The following UBE2O variants were observed in gnomAD, a reference collection of about 807,000 sequenced individuals.
The protein encoded by UBE2O is ubiquitin conjugating enzyme E2 O, also known as (E3-independent) E2 ubiquitin-conjugating enzyme.
A neutral mutation model predicts 125.8 loss-of-function variants in UBE2O; 15 were observed. The ratio of observed to expected loss-of-function variants is 0.12; its 90% CI spans 0.08 to 0.18. The LOEUF is 0.18. UBE2O is among the 10% of genes least tolerant of loss of function. The pLI is 1.00. For synonymous variants in UBE2O, 708 were observed against 703.2 expected (o/e 1.01, Z -0.11); for missense variants, 1,280 against 1,723.6 (o/e 0.74, Z 4.56).
chr17:76,411,355 A>G (rs1209326629), intron 1 of UBE2O, among the ~76,000 whole-genome samples: 1 of 152,180 alleles, frequency 6.6e-6, no homozygotes, highest in Non-Finnish European at 1.5e-5. Flanking sequence ...GTAGGAGCGG[A>G]TGGCTCCTAA....
chr17:76,406,233 G>A (rs965851606), intron 1 of UBE2O, among the ~76,000 whole-genome samples: 2 of 152,348 alleles, frequency 1.3e-5, no homozygotes, highest in South Asian at 4.1e-4. Context: ...GCTGGCAGCG[G>A]CCACTGCCTC....
rs767922110 is a variant in UBE2O, at chr17:76,400,219, T to C, written c.1083A>G (p.Val361=). The change falls in exon 8 of 18, where the codon GTA becomes GTG. Residue 361 remains valine, a synonymous_variant. Coordinates refer to ENST00000319380, the MANE Select transcript of UBE2O (RefSeq NM_022066.4). This position sits in a 1 kb window ranked among gnomAD's most constrained non-coding sequence, Gnocchi z 4.3. ...ERCLYVFPAK[V]EPAKIAWECP... Reference sequence around the variant, plus strand: ...ATTCCCAGGCAATCTTGGCTGGCTCTACCTTGGCTGGGAAGACATACAGAC... The same window carrying C: ...ATTCCCAGGCAATCTTGGCTGGCTCCACCTTGGCTGGGAAGACATACAGAC... 1.5e-5 allele frequency: 24 copies of C among 1,613,988 alleles called. No homozygotes were observed. The highest frequency in any genetic ancestry group is 2.2e-5 in the South Asian group (2 of 91,092).
chr17:76,416,549 C>T (rs1181756535), intron 1 of UBE2O, among the ~76,000 whole-genome samples: 2 of 152,144 alleles, frequency 1.3e-5, no homozygotes, highest in African/African-American at 4.8e-5. Context: ...GCAGGGCCTG[C>T]TCTCAGCCAT....
In UBE2O at chr17:76,422,568, C is replaced by T. The variant is rs567020726; in HGVS notation, c.418-16996G>A. Among the ~76,000 whole-genome samples, 31 of 152,324 alleles carry T rather than the reference C, an allele frequency of 2.0e-4. No individual in the cohort carries two copies. In the East Asian group the frequency reaches 3.7e-3, roughly 18 times the overall value. On this transcript the variant is annotated intron_variant, in intron 1 of 17. Transcript: ENST00000319380. ...CAGTCCTGCAGGTGTCCGAGCAGGA[C>T]GGAGGTTCCATCTGCAATGAAGCCG...
intron 1 of UBE2O, among the ~76,000 whole-genome samples, chr17:76,417,937 C>A (rs925577842): frequency 3.3e-5 from 5 of 152,326 alleles, no homozygotes; most frequent in African/African-American, 1.2e-4. Context: ...TCCTGGCTCA[C>A]TGCATTTAGA....
In UBE2O at chr17:76,400,838, C is replaced by T. The variant is rs1291304039; in HGVS notation, c.894+173G>A. Among the ~76,000 whole-genome samples, 1 of 152,208 alleles carries T rather than the reference C, an allele frequency of 6.6e-6. No individual in the cohort carries two copies. The highest frequency in any genetic ancestry group is 1.5e-5 in the Non-Finnish European group (1 of 68,034). On this transcript the variant is annotated intron_variant, in intron 6 of 17. Coordinates refer to ENST00000319380, the MANE Select transcript of UBE2O (RefSeq NM_022066.4). The surrounding 1 kb of genome is among the most constrained non-coding windows in gnomAD (Gnocchi z 4.3). ...GGCTGGGGCACATCTGTCTTTTGGT[C>T]ACTATGACCAGAGCCTGGGTTCCCT...
At chr17:76,434,411 T>C (rs1227279359) in intron 1 of UBE2O, among the ~76,000 whole-genome samples, 1 of 152,070 alleles carries the variant, frequency 6.6e-6, no homozygotes, top group Non-Finnish European at 1.5e-5. Context: ...GGAAACACAG[T>C]CCTACCCTGG....
At chr17:76,392,164 G>A (rs949514047) in intron 15 of UBE2O, 51 bp from the exon 16 acceptor site, 2 of 1,229,538 alleles carry the variant, frequency 1.6e-6, no homozygotes, top group East Asian at 2.5e-5. Context: ...GTGGAAGGGG[G>A]TGTCCTACAT....
rs764802300 is a variant in UBE2O at position 76,400,458 on chromosome 17, G to C, written c.987C>G (p.Thr329=). The change falls in exon 7 of 18, where the codon ACC becomes ACG. Residue 329 remains threonine, a synonymous_variant. Transcript: ENST00000319380. The surrounding 1 kb of genome is among the most constrained non-coding windows in gnomAD (Gnocchi z 4.3). ...DSVSPPPSVI[T]QENLGRVKRL... is the part of the protein sequence containing the mutation. ...ATGCTTACCTGCCTAGGTTTTCCTGGGTGATGACAGAGGGTGGGGGGCTGA... is the reference window on the plus strand; with the variant it reads ...ATGCTTACCTGCCTAGGTTTTCCTGCGTGATGACAGAGGGTGGGGGGCTGA... 3 of 1,612,218 alleles carry C rather than the reference G, an allele frequency of 1.9e-6. No individual in the cohort carries two copies. The Admixed American group carries it at 5.0e-5, about 27-fold the overall frequency.
chr17:76,405,168 G>T lies in UBE2O; in HGVS notation c.588+38C>A. 6.7e-7 allele frequency: 1 copy of T among 1,487,962 alleles called. No individual in the cohort carries two copies. The allele number at this position is 1,487,962 out of a possible 1,614,324, so 92.2% of individuals were successfully genotyped here. ...GGTCGTGCCGCCGAGAGAACCAGAG[G>T]GCCCAGAAAGGATGATGAGAAGACA... is the stretch of plus-strand genomic sequence containing the variant. On this transcript the variant is annotated intron_variant, in intron 3 of 17. Transcript: ENST00000319380. This position sits in a 1 kb window ranked among gnomAD's most constrained non-coding sequence, Gnocchi z 6.1.
intron 1 of UBE2O, among the ~76,000 whole-genome samples, chr17:76,446,302 T>A (rs888582289): frequency 6.6e-6 from 1 of 152,214 alleles, no homozygotes; most frequent in African/African-American, 2.4e-5. Context: ...AGGACTGTTG[T>A]GCTGGCAATT....
chr17:76,411,359 C>G (rs978481171), intron 1 of UBE2O, among the ~76,000 whole-genome samples: 1 of 152,210 alleles, frequency 6.6e-6, no homozygotes, highest in Non-Finnish European at 1.5e-5. Context: ...GAGCGGATGG[C>G]TCCTAAAGGC....
intron 1 of UBE2O, among the ~76,000 whole-genome samples, chr17:76,427,931 G>A (rs2143833384): frequency 6.6e-6 from 1 of 152,244 alleles, no homozygotes; most frequent in Middle Eastern, 3.4e-3. Flanking sequence ...ATTATTGTTA[G>A]GGTCGATTTC....
chr17:76,392,308 A>G (rs1034352773), intron 15 of UBE2O, among the ~76,000 whole-genome samples, 195 bp from the exon 16 acceptor site: 1 of 151,956 alleles, frequency 6.6e-6, no homozygotes, highest in African/African-American at 2.4e-5. Context: ...AACAGCCTGG[A>G]ATCTTTTTTT....
At chr17:76,435,453 CACAA>C (rs1472955576) in intron 1 of UBE2O, among the ~76,000 whole-genome samples, 6 of 139,128 alleles carry the variant, frequency 4.3e-5, no homozygotes, top group Non-Finnish European at 6.2e-5. Flanking sequence ...CACACACACA[CACAA>C]AGATTAAGAT....
At chr17:76,437,480 A>C (rs1271322426) in intron 1 of UBE2O, among the ~76,000 whole-genome samples, 1 of 151,968 alleles carries the variant, frequency 6.6e-6, no homozygotes, top group Non-Finnish European at 1.5e-5. Context: ...AGAAAAAAAA[A>C]GGCAATTATG....
rs541055273 is a variant in UBE2O, at chr17:76,406,275, G to A, written c.418-703C>T. On this transcript the variant is annotated intron_variant, in intron 1 of 17. Coordinates refer to ENST00000319380, the MANE Select transcript of UBE2O (RefSeq NM_022066.4). ...CTCCATCGCCCAAAAGCCCAGGCAC[G>A]TGATGCTCCCACCAGGCCAGCCTGC... Among the ~76,000 whole-genome samples the A allele has an allele frequency of 3.9e-4, 59 of 152,312 alleles. 1 individual carries two copies. In the South Asian group the frequency reaches 0.01, roughly 27 times the overall value.
intron 1 of UBE2O, among the ~76,000 whole-genome samples, chr17:76,442,732 T>C (rs757643814): frequency 6.6e-6 from 1 of 152,172 alleles, no homozygotes; most frequent in Non-Finnish European, 1.5e-5. Flanking sequence ...AACCAAGGCA[T>C]GATCAGAGGC....
In UBE2O at chr17:76,391,842, G is replaced by C. The variant is rs769677752; in HGVS notation, c.3151-29C>G. ...AAACACACAGGGCACCATCAATTCT[G>C]TTCCCCAGGCCCCTATCCACCAGTG... On this transcript the variant is annotated intron_variant, in intron 16 of 17. Coordinates refer to ENST00000319380, the MANE Select transcript of UBE2O (RefSeq NM_022066.4). The surrounding 1 kb of genome is among the most constrained non-coding windows in gnomAD (Gnocchi z 8.4). 1.2e-6 allele frequency: 2 copies of C among 1,613,842 alleles called. No individual in the cohort carries two copies. The highest frequency in any genetic ancestry group is 1.7e-6 in the Non-Finnish European group (2 of 1,179,980).
Sources: gnomAD v4.1 joint callset for allele counts (sites outside exome capture counted in the v4.1 genomes callset) on GRCh38, gnomAD v4.1.1 for gene constraint, Gnocchi (gnomAD v3.1) non-coding constraint, MANE v1.5 for transcripts, NCBI Gene and HGNC (gene_info 2026-07-23, HGNC 2026-07-21) for gene names.